FAM90A20: variants seen among roughly 807,000 people sequenced by gnomAD.
FAM90A20 encodes the protein family with sequence similarity 90 member A20, also known as protein FAM90A20.
chr8:7,296,728 ACC>A, the FAM90A20 span, among the ~76,000 whole-genome samples: 5 of 135,578 alleles, frequency 3.7e-5, no homozygotes, highest in Admixed American at 1.4e-4. Flanking sequence ...CGTCCCGAGT[ACC>A]CTTGAGCCAC....
the FAM90A20 span, chr8:7,296,418 C>T: frequency 6.8e-6 from 5 of 735,300 alleles, 1 homozygote; most frequent in South Asian, 6.9e-5. Flanking sequence ...CCCCGGGCCC[C>T]TGGTCCTTTT....
At chr8:7,295,923 C>G in the FAM90A20 span, 2 of 577,074 alleles carry the variant, frequency 3.5e-6, no homozygotes, top group East Asian at 2.9e-5. Context: ...CTTTCCGTCT[C>G]CGGGCCAGGG....
At chr8:7,296,866 A>G in the FAM90A20 span, among the ~76,000 whole-genome samples, 2 of 136,910 alleles carry the variant, frequency 1.5e-5, no homozygotes, top group Admixed American at 6.7e-5. Flanking sequence ...AGCTACACAT[A>G]GCTCGATAGC....
the FAM90A20 span, chr8:7,296,171 G>C: frequency 2.5e-5 from 16 of 642,138 alleles, 3 homozygotes; most frequent in Non-Finnish European, 3.4e-5. Context: ...GGCGGAAAGG[G>C]CACCAGATTT....
the FAM90A20 span, chr8:7,295,910 T>A: frequency 1.7e-6 from 1 of 594,632 alleles, no homozygotes; most frequent in South Asian, 1.8e-5. Flanking sequence ...GCACACCGTG[T>A]GCCTTTCCGT....
the FAM90A20 span, chr8:7,297,853 C>G: frequency 1.3e-5 from 11 of 855,850 alleles, no homozygotes; most frequent in East Asian, 2.5e-5. Context: ...GCTCCAGCCT[C>G]CTGGCGGCCC....
At chr8:7,297,195 C>T in the FAM90A20 span, 1 of 1,535,662 alleles carries the variant, frequency 6.5e-7, no homozygotes, top group Non-Finnish European at 8.8e-7. Flanking sequence ...CTCAGAAAAG[C>T]CAGTCTGAGC....
At chr8:7,296,983 C>T in the FAM90A20 span, 2 of 1,243,666 alleles carry the variant, frequency 1.6e-6, no homozygotes, top group Non-Finnish European at 2.2e-6. Context: ...GTGTGTGCAC[C>T]TTGTCTTTGG....
chr8:7,297,400 G>T, the FAM90A20 span: 1 of 1,539,500 alleles, frequency 6.5e-7, no homozygotes, highest in South Asian at 1.1e-5. Flanking sequence ...TCAGAACCCA[G>T]GCACAAGACA....
At chr8:7,296,509 C>A in the FAM90A20 span, 1 of 643,656 alleles carries the variant, frequency 1.6e-6, no homozygotes, top group South Asian at 1.5e-5. Flanking sequence ...TTCTTGTCTT[C>A]TTGGGGTCAG....
At chr8:7,297,784 C>A in the FAM90A20 span, 16 of 1,361,390 alleles carry the variant, frequency 1.2e-5, 1 homozygote, top group Non-Finnish European at 1.5e-5. Flanking sequence ...CAGCGGCCAG[C>A]CATGATGGGG....
At chr8:7,295,838 G>C in the FAM90A20 span, 2 of 766,230 alleles carry the variant, frequency 2.6e-6, no homozygotes, top group Non-Finnish European at 2.2e-6. Flanking sequence ...AAGGTGAGCA[G>C]TGGGAGGGGT....
chr8:7,296,094 C>T, the FAM90A20 span, among the ~76,000 whole-genome samples: 861 of 130,486 alleles, frequency 6.6e-3, 124 homozygotes, highest in Non-Finnish European at 9.8e-3. Context: ...AAATCACAGT[C>T]CTTAGTTGGG....
At chr8:7,296,432 C>G in the FAM90A20 span, 2 of 721,330 alleles carry the variant, frequency 2.8e-6, no homozygotes, top group South Asian at 1.4e-5. Flanking sequence ...TCCTTTTATC[C>G]TCTAGGTAAC....
the FAM90A20 span, chr8:7,296,289 G>T: frequency 2.3e-5 from 17 of 730,298 alleles, 2 homozygotes; most frequent in Non-Finnish European, 4.2e-5. Context: ...TGTTCTGCAG[G>T]CAACAAGACC....
chr8:7,297,331 G>T, the FAM90A20 span: 20 of 1,372,964 alleles, frequency 1.5e-5, 2 homozygotes, highest in South Asian at 1.2e-4. Flanking sequence ...GCAGCCCTGA[G>T]GGTAGCTGCC....
chr8:7,297,545 A>T, the FAM90A20 span: 1 of 1,524,622 alleles, frequency 6.6e-7, no homozygotes, highest in East Asian at 2.2e-5. Flanking sequence ...GAACTTCCCC[A>T]AGAAACCGAG....
the FAM90A20 span, chr8:7,297,939 C>G: frequency 1.4e-6 from 1 of 693,424 alleles, no homozygotes; most frequent in South Asian, 1.5e-5. Flanking sequence ...TCTGAGGCTC[C>G]CTGTGTTCGT....
At chr8:7,295,830 G>C in the FAM90A20 span, 2 of 809,114 alleles carry the variant, frequency 2.5e-6, no homozygotes, top group Non-Finnish European at 2.0e-6. Context: ...GAGAGACCAA[G>C]GTGAGCAGTG....
Sources: allele counts gnomAD v4.1 joint callset (sites outside exome capture counted in the v4.1 genomes callset), GRCh38; gene constraint gnomAD v4.1.1; transcripts MANE v1.5; gene names NCBI Gene and HGNC (gene_info 2026-07-23, HGNC 2026-07-21).